The following CLIC5 variants were observed in gnomAD, a reference collection of about 807,000 sequenced individuals.
The protein encoded by CLIC5 is CLIC family member 5, also known as chloride intracellular channel protein 5.
A neutral mutation model predicts 24.7 loss-of-function variants in CLIC5; 20 were observed. The ratio of observed to expected loss-of-function variants is 0.81; its 90% confidence interval spans 0.57 to 1.18. The LOEUF (loss-of-function observed/expected upper bound fraction) is 1.18, where lower values mean the gene tolerates loss of function less well. Among genes scored for constraint, CLIC5 ranks in the 50% most tolerant of loss-of-function variants. The pLI, the probability that CLIC5 is intolerant of heterozygous loss-of-function variation, is 0.00. For missense variants in CLIC5, 341 were observed against 326.1 expected (o/e 1.05, Z -0.35); for synonymous variants, 159 against 135.6 (o/e 1.17, Z -1.20).
chr6:46,051,854 C>T (rs1020883230), intron 1 of CLIC5, among the ~76,000 whole-genome samples: 2 of 152,084 alleles, frequency 1.3e-5, no homozygotes. Flanking sequence ...CCTAATGGCA[C>T]CCAGCTATTA....
chr6:46,084,104 CT>C (rs1017791921), upstream of CLIC5, among the ~76,000 whole-genome samples: 5 of 151,976 alleles, frequency 3.3e-5, no homozygotes, highest in African/African-American at 1.2e-4. Context: ...CAACCCCTGC[CT>C]TTTTTTGTTT....
chr6:46,084,464 G>T (rs938521000), upstream of CLIC5, among the ~76,000 whole-genome samples: 2 of 152,156 alleles, frequency 1.3e-5, no homozygotes, highest in African/African-American at 4.8e-5. Flanking sequence ...TTTAAGGCAG[G>T]CCTGGTGGTG....
chr6:46,116,857 C>T, the CLIC5 span, among the ~76,000 whole-genome samples: 2 of 152,178 alleles, frequency 1.3e-5, no homozygotes, highest in South Asian at 4.1e-4. Flanking sequence ...GCTCCTGCAT[C>T]CACTGCAGGG....
exon 7 of CLIC5, chr6:45,881,108 C>A (rs1023831937): frequency 2.5e-6 from 1 of 397,900 alleles, no homozygotes; most frequent in Non-Finnish European, 4.4e-6. Context: ...CCATTTTTTT[C>A]TTCTTTCTCT....
At chr6:46,094,188 A>T in the CLIC5 span, among the ~76,000 whole-genome samples, 1 of 152,206 alleles carries the variant, frequency 6.6e-6, no homozygotes, top group Non-Finnish European at 1.5e-5. Flanking sequence ...CCCATCACCA[A>T]CATTGGGGAT....
intron 1 of CLIC5, among the ~76,000 whole-genome samples, chr6:46,002,399 C>T (rs150130909): frequency 3.0e-3 from 452 of 152,244 alleles, no homozygotes; most frequent in African/African-American, 0.01. Flanking sequence ...ACTCTAGAAT[C>T]CTGACTGAGG....
At chr6:45,963,216 C>T (rs1445370903) in intron 1 of CLIC5, among the ~76,000 whole-genome samples, 4 of 151,340 alleles carry the variant, frequency 2.6e-5, no homozygotes, top group Admixed American at 6.6e-5. Context: ...ACCTGATATT[C>T]GTCTTATAGC....
At chr6:46,003,279 G>C (rs1304052099) in intron 1 of CLIC5, among the ~76,000 whole-genome samples, 3 of 152,168 alleles carry the variant, frequency 2.0e-5, no homozygotes, top group African/African-American at 7.2e-5. Flanking sequence ...GAGGTGTGAA[G>C]ACTGGTTTTT....
chr6:45,906,532 A>G (rs1762663455), intron 5 of CLIC5, among the ~76,000 whole-genome samples: 1 of 150,758 alleles, frequency 6.6e-6, no homozygotes, highest in Admixed American at 6.6e-5. Flanking sequence ...TATTGTTAGC[A>G]TACAGAAATG....
intron 1 of CLIC5, among the ~76,000 whole-genome samples, chr6:45,974,554 G>C (rs1450774667): frequency 1.4e-5 from 2 of 139,270 alleles, no homozygotes; most frequent in Non-Finnish European, 3.1e-5. Flanking sequence ...GAGAGAGAGA[G>C]AGAGAGAGAG....
At chr6:46,104,526 C>T in the CLIC5 span, among the ~76,000 whole-genome samples, 1 of 151,574 alleles carries the variant, frequency 6.6e-6, no homozygotes, top group African/African-American at 2.4e-5. Context: ...GAGACTGTCC[C>T]TGGTAATGAA....
At chr6:46,008,205 CT>C (rs1163848536) in intron 1 of CLIC5, among the ~76,000 whole-genome samples, 1 of 152,154 alleles carries the variant, frequency 6.6e-6, no homozygotes, top group African/African-American at 2.4e-5. Context: ...CTGTTGTTGG[CT>C]TTTTTGCTGT....
At chr6:45,972,906 A>G (rs1268089757) in intron 1 of CLIC5, among the ~76,000 whole-genome samples, 2 of 152,338 alleles carry the variant, frequency 1.3e-5, no homozygotes, top group Non-Finnish European at 2.9e-5. Flanking sequence ...AACAAAAACA[A>G]AACTCCACTC....
intron 6 of CLIC5, among the ~76,000 whole-genome samples, chr6:45,882,277 T>C (rs1471780592): frequency 6.6e-6 from 1 of 152,216 alleles, no homozygotes; most frequent in Non-Finnish European, 1.5e-5. Flanking sequence ...AATCACTGCA[T>C]AGAAGCCACA....
At chr6:45,996,345 G>T (rs1766138120) in intron 1 of CLIC5, among the ~76,000 whole-genome samples, 1 of 152,014 alleles carries the variant, frequency 6.6e-6, no homozygotes, top group African/African-American at 2.4e-5. Flanking sequence ...AAGCTCTTTA[G>T]TTTAATTAGA....
chr6:45,916,415 A>G (rs1378503643), intron 4 of CLIC5, among the ~76,000 whole-genome samples: 1 of 152,132 alleles, frequency 6.6e-6, no homozygotes, highest in East Asian at 1.9e-4. Flanking sequence ...AGCACTTGTG[A>G]TTTATTTGTT....
the CLIC5 span, among the ~76,000 whole-genome samples, chr6:46,089,877 G>A: frequency 6.6e-6 from 1 of 152,174 alleles, no homozygotes; most frequent in Non-Finnish European, 1.5e-5. Context: ...TAACGACGCT[G>A]ATAGTTACTC....
intron 2 of CLIC5, among the ~76,000 whole-genome samples, chr6:45,953,154 C>G (rs987211716): frequency 6.6e-6 from 1 of 152,012 alleles, no homozygotes; most frequent in East Asian, 1.9e-4. Context: ...GCATCTTGGG[C>G]GAGTCTCATA....
At chr6:45,946,370 A>G (rs1422674899) in intron 3 of CLIC5, among the ~76,000 whole-genome samples, 2 of 152,214 alleles carry the variant, frequency 1.3e-5, no homozygotes, top group African/African-American at 4.8e-5. Flanking sequence ...TGGATTCCTC[A>G]TTTTGACACC....
Sources: allele counts gnomAD v4.1 joint callset (sites outside exome capture counted in the v4.1 genomes callset), GRCh38; gene constraint gnomAD v4.1.1; transcripts MANE v1.5; gene names NCBI Gene and HGNC (gene_info 2026-07-23, HGNC 2026-07-21).